Variants in RGS7 observed in about 807,000 individuals in gnomAD.
RGS7 encodes regulator of G protein signaling 7.
Under a neutral mutation model 81.1 loss-of-function variants are expected in RGS7, and 27 were observed. The ratio of observed to expected loss-of-function variants is 0.33; its 90% CI spans 0.25 to 0.46. The LOEUF is 0.46. RGS7 is among the 20% of genes least tolerant of loss of function. RGS7 has a pLI of 1.00. For missense variants in RGS7, 396 were observed against 607.4 expected (o/e 0.65, Z 3.66); for synonymous variants, 208 against 207.7 (o/e 1.00, Z -0.01).
chr1:241,219,030 T>C (rs558966314), intron 2 of RGS7, among the ~76,000 whole-genome samples: 1 of 152,274 alleles, frequency 6.6e-6, no homozygotes, highest in Non-Finnish European at 1.5e-5. Flanking sequence ...GGGGGAGTTT[T>C]GCAGTAGTTC....
At chr1:241,057,482 T>G (rs2061530493) in intron 3 of RGS7, among the ~76,000 whole-genome samples, 1 of 152,210 alleles carries the variant, frequency 6.6e-6, no homozygotes, top group African/African-American at 2.4e-5. Context: ...CTATTTTACA[T>G]ATGAGGAGAA....
intron 2 of RGS7, among the ~76,000 whole-genome samples, chr1:241,143,839 C>T (rs527744416): frequency 1.3e-5 from 2 of 152,260 alleles, no homozygotes; most frequent in South Asian, 4.1e-4. Flanking sequence ...AGGGCAAAGC[C>T]TCATGAATGA....
At chr1:241,240,843 G>A (rs187627808) in intron 2 of RGS7, among the ~76,000 whole-genome samples, 1 of 152,170 alleles carries the variant, frequency 6.6e-6, no homozygotes, top group East Asian at 1.9e-4. Flanking sequence ...ATAAATCCCT[G>A]CCCTACTCCC....
chr1:240,844,800 G>A (rs1198231512), intron 9 of RGS7, among the ~76,000 whole-genome samples: 1 of 152,164 alleles, frequency 6.6e-6, no homozygotes, highest in East Asian at 1.9e-4. Flanking sequence ...TTTAAATTTG[G>A]ATGAACACAT....
chr1:241,252,882 GC>G (rs1434195038), intron 2 of RGS7, among the ~76,000 whole-genome samples: 4 of 152,152 alleles, frequency 2.6e-5, no homozygotes, highest in Non-Finnish European at 5.9e-5. Flanking sequence ...AAAGCACACT[GC>G]CCCCCTTATC....
chr1:240,908,996 C>T (rs1277707291), intron 6 of RGS7, among the ~76,000 whole-genome samples: 1 of 152,192 alleles, frequency 6.6e-6, no homozygotes. Context: ...CCTGAGACCT[C>T]TAATTCGGAC....
intron 2 of RGS7, among the ~76,000 whole-genome samples, chr1:241,243,916 T>C (rs2076390631): frequency 6.6e-6 from 1 of 152,032 alleles, no homozygotes; most frequent in Non-Finnish European, 1.5e-5. Context: ...AGAAGGACCA[T>C]GAGATATGCA....
At chr1:240,875,929 CACTCTCTAGACTTGGCAA>C (rs2148057177) in intron 6 of RGS7, among the ~76,000 whole-genome samples, 1 of 152,278 alleles carries the variant, frequency 6.6e-6, no homozygotes, top group South Asian at 2.1e-4. Context: ...TCTAGCTTGC[CACTCTCTAGACTTGGCAA>C]AAGTTTAAAG....
At chr1:240,945,867 ATG>A (rs1450676307) in intron 4 of RGS7, among the ~76,000 whole-genome samples, 2 of 152,190 alleles carry the variant, frequency 1.3e-5, no homozygotes, top group Admixed American at 1.3e-4. Flanking sequence ...CTGTGTGTAT[ATG>A]TTGGTGTATG....
At chr1:240,801,171 A>G (rs1226008751) in intron 17 of RGS7, among the ~76,000 whole-genome samples, 3 of 152,196 alleles carry the variant, frequency 2.0e-5, no homozygotes, top group African/African-American at 7.2e-5. Context: ...AAAATAAAAT[A>G]TAAAGAATAA....
chr1:240,850,921 A>C (rs1430318334), intron 9 of RGS7, among the ~76,000 whole-genome samples: 2 of 152,222 alleles, frequency 1.3e-5, no homozygotes, highest in African/African-American at 2.4e-5. Flanking sequence ...AGGAAGCTGA[A>C]GAAAAAAAGT....
intron 2 of RGS7, among the ~76,000 whole-genome samples, chr1:241,101,389 G>A (rs547064663): frequency 9.2e-5 from 14 of 152,092 alleles, no homozygotes; most frequent in Non-Finnish European, 1.3e-4. Context: ...CCAGCTACTC[G>A]GGAGGCTGAG....
intron 18 of RGS7, among the ~76,000 whole-genome samples, chr1:240,793,303 G>T (rs1237668133): frequency 6.6e-6 from 1 of 152,046 alleles, no homozygotes; most frequent in Non-Finnish European, 1.5e-5. Context: ...AGGCTACAAG[G>T]TCTGATACAT....
At chr1:241,109,005 C>T (rs967953829) in intron 2 of RGS7, among the ~76,000 whole-genome samples, 3 of 152,132 alleles carry the variant, frequency 2.0e-5, no homozygotes, top group Admixed American at 6.5e-5. Context: ...CCCACTTGAG[C>T]TCACATCAGT....
chr1:241,250,276 G>A (rs1486048999), intron 2 of RGS7, among the ~76,000 whole-genome samples: 2 of 151,980 alleles, frequency 1.3e-5, no homozygotes, highest in Non-Finnish European at 2.9e-5. Flanking sequence ...GAAAGACAGA[G>A]AATTTTATCG....
chr1:241,234,362 G>A (rs2815851), intron 2 of RGS7, among the ~76,000 whole-genome samples: 59,584 of 151,900 alleles, frequency 0.39, 11,789 homozygotes, highest in African/African-American at 0.47. Context: ...TTCTGGCCCC[G>A]CTTGCCATTA....
At chr1:241,339,982 A>G (rs2082445358) in intron 2 of RGS7, among the ~76,000 whole-genome samples, 1 of 152,228 alleles carries the variant, frequency 6.6e-6, no homozygotes, top group African/African-American at 2.4e-5. Context: ...ATCAATACAG[A>G]GCAAGTAAAT....
chr1:241,317,851 C>A (rs993368206), intron 2 of RGS7, among the ~76,000 whole-genome samples: 3 of 152,208 alleles, frequency 2.0e-5, no homozygotes, highest in Admixed American at 6.5e-5. Context: ...ACAATAATAT[C>A]ATCATCTCCT....
At chr1:241,253,412 C>A (rs1411501553) in intron 2 of RGS7, among the ~76,000 whole-genome samples, 2 of 152,080 alleles carry the variant, frequency 1.3e-5, no homozygotes, top group East Asian at 3.9e-4. Context: ...CTTGAGGGCT[C>A]CCAGGTGGCC....
Sources: allele counts gnomAD v4.1 joint callset (sites outside exome capture counted in the v4.1 genomes callset), GRCh38; gene constraint gnomAD v4.1.1; transcripts MANE v1.5; gene names NCBI Gene and HGNC (gene_info 2026-07-23, HGNC 2026-07-21).